Variants in SLC13A4 observed in about 807,000 individuals in gnomAD.
SLC13A4 encodes the protein Na(+)/sulfate cotransporter SUT-1.
In SLC13A4, 28 loss-of-function variants were observed where a neutral mutation model predicts 72.7. The observed-to-expected ratio is 0.39, with a 90% confidence interval of 0.29 to 0.53. SLC13A4 has a LOEUF of 0.53. Among genes scored for constraint, SLC13A4 ranks in the 20% least tolerant of loss-of-function variants. The pLI is 0.78. For missense variants in SLC13A4, 653 were observed against 788.0 expected, an observed-to-expected ratio of 0.83 and a Z score of 2.05; for synonymous variants, 312 against 325.5, an observed-to-expected ratio of 0.96 and a Z score of 0.45.
Position 135,681,428 on chromosome 7 carries a change from C to A in SLC13A4, c.*135G>T. 9.1e-7 allele frequency: 1 copy of A among 1,103,566 alleles called. No homozygotes were observed. Among genetic ancestry groups the A allele is most frequent in the Non-Finnish European group, 1.3e-6 (1 of 782,764 alleles). The allele number at this position is 1,103,566 out of a possible 1,614,324, so 68.4% of individuals were successfully genotyped here. A position where few individuals can be genotyped will look rare whatever the true frequency, so the allele number is the denominator to read the frequency against. ...AGTTCACTTGAGGTGGCGGAATCTT[C>A]TGGTGGAGGGATGCCCTCCGGCGTG... is the stretch of plus-strand genomic sequence containing the variant. On this transcript the variant is annotated 3_prime_UTR_variant, in exon 16 of 16. Transcript: ENST00000682651.
intron 13 of SLC13A4, among the ~76,000 whole-genome samples, chr7:135,686,210 A>G: frequency 6.6e-6 from 1 of 152,218 alleles, no homozygotes; most frequent in East Asian, 1.9e-4. Context: ...AGGGCTGAGC[A>G]CTGGAGGTTT....
At chr7:135,687,648 T>C (rs1795663765) in intron 13 of SLC13A4, among the ~76,000 whole-genome samples, 1 of 152,196 alleles carries the variant, frequency 6.6e-6, no homozygotes, top group Non-Finnish European at 1.5e-5. Context: ...CCCCAAGGCC[T>C]CCAGGAACTC....
intron 15 of SLC13A4, chr7:135,683,909 C>G (rs1453942757): frequency 3.1e-6 from 2 of 646,332 alleles, no homozygotes; most frequent in East Asian, 1.4e-4. Context: ...CCACTTCCTT[C>G]CAGGGAAGGG....
At chr7:135,723,171 T>A (rs1796582420) in intron 1 of SLC13A4, among the ~76,000 whole-genome samples, 1 of 152,140 alleles carries the variant, frequency 6.6e-6, no homozygotes, top group Non-Finnish European at 1.5e-5. Context: ...TCGTTGCTCT[T>A]GGACTCCATT....
chr7:135,692,982 T>G (rs544480632), intron 10 of SLC13A4: 1 of 151,648 alleles, frequency 6.6e-6, no homozygotes, highest in Admixed American at 6.6e-5. Flanking sequence ...GTGCCTGTAG[T>G]CCCAGTTACT....
At chr7:135,708,276 C>T in intron 2 of SLC13A4, 26 bp from the exon 3 acceptor site, 4 of 1,613,636 alleles carry the variant, frequency 2.5e-6, no homozygotes, top group Non-Finnish European at 3.4e-6. Flanking sequence ...GCATGTCAGT[C>T]ACCCTCCCGG....
intron 10 of SLC13A4, chr7:135,693,503 G>A (rs1005257795): frequency 6.6e-6 from 1 of 152,116 alleles, no homozygotes; most frequent in African/African-American, 2.4e-5. Context: ...TTTTTGAAAT[G>A]TTCTACAATG....
chr7:135,683,601 C>T (rs1275690953), intron 15 of SLC13A4: 7 of 985,222 alleles, frequency 7.1e-6, no homozygotes, highest in Non-Finnish European at 8.4e-6. Context: ...TTTTGTGAGC[C>T]CAGCTGAAAA....
At chr7:135,724,248 A>G (rs959200179) in intron 1 of SLC13A4, among the ~76,000 whole-genome samples, 3 of 152,172 alleles carry the variant, frequency 2.0e-5, no homozygotes, top group African/African-American at 7.2e-5. Flanking sequence ...TAATCCCAGC[A>G]CTATGGGAGG....
At chr7:135,694,269 G>A (rs1179025348) in intron 9 of SLC13A4, 31 bp from the exon 10 acceptor site, 1 of 1,337,584 alleles carries the variant, frequency 7.5e-7, no homozygotes, top group Non-Finnish European at 1.1e-6. Flanking sequence ...AATGATTAAA[G>A]AAAACACACT....
At chr7:135,695,526 G>A (rs1389023751) in intron 8 of SLC13A4, 39 bp from the exon 9 acceptor site, 2 of 1,600,238 alleles carry the variant, frequency 1.2e-6, no homozygotes, top group Non-Finnish European at 1.7e-6. Context: ...TAGAAAGGGA[G>A]GGTTTCCATA....
chr7:135,705,202 C>T (rs1020593666), intron 5 of SLC13A4: 1 of 170,506 alleles, frequency 5.9e-6, no homozygotes, highest in Admixed American at 5.7e-5. Context: ...TTTCATGATT[C>T]TCCAAGAATC....
At chr7:135,725,987 G>A (rs1339922046) in intron 1 of SLC13A4, among the ~76,000 whole-genome samples, 1 of 152,038 alleles carries the variant, frequency 6.6e-6, no homozygotes, top group Non-Finnish European at 1.5e-5. Context: ...AAAGTTTGAT[G>A]AAAGGGGTGA....
chr7:135,722,049 T>G (rs888620278), intron 1 of SLC13A4, among the ~76,000 whole-genome samples: 2 of 152,188 alleles, frequency 1.3e-5, no homozygotes, highest in African/African-American at 4.8e-5. Context: ...GAGACCAGCC[T>G]GGGCAATATA....
chr7:135,713,947 C>G (rs1796360908), intron 2 of SLC13A4, among the ~76,000 whole-genome samples: 1 of 152,216 alleles, frequency 6.6e-6, no homozygotes, highest in Non-Finnish European at 1.5e-5. Context: ...CCGCTCAGTG[C>G]TAAGCTAAGC....
intron 2 of SLC13A4, among the ~76,000 whole-genome samples, chr7:135,715,052 GTGTA>G (rs1445631684): frequency 1.5e-5 from 2 of 136,030 alleles, no homozygotes; most frequent in East Asian, 4.3e-4. Flanking sequence ...GGGTATGAGT[GTGTA>G]TGTGAATGTG....
intron 5 of SLC13A4, 27 bp downstream of exon 5, chr7:135,705,569 T>C (rs905956749): frequency 6.2e-7 from 1 of 1,611,654 alleles, no homozygotes; most frequent in Non-Finnish European, 8.5e-7. Flanking sequence ...TGAGAGGCGC[T>C]GTCTGGGAGA....
chr7:135,688,478 AACTCCT>A lies in SLC13A4; in HGVS notation c.1446+2717_1446+2722del, dbSNP rs1346802080. 3.4e-4 allele frequency among the ~76,000 whole-genome samples: 52 copies of A among 152,154 alleles called. No homozygotes were observed. The Middle Eastern group carries it at 0.014, about 40-fold the overall frequency. On this transcript the variant is annotated intron_variant, in intron 13 of 15. Transcript: ENST00000682651. ...CACCATGTTGGCCAGGCTAGCCTCA[AACTCCT>A]GGCCTCAAGTGATCCTCCTGCCTCA...
chr7:135,692,238 A>T, intron 11 of SLC13A4, 85 bp downstream of exon 11: 1 of 938,400 alleles, frequency 1.1e-6, no homozygotes, highest in Non-Finnish European at 1.7e-6. Context: ...TCCTGGCTTC[A>T]TATCTGCCCC....
Sources: gnomAD v4.1 joint callset for allele counts (sites outside exome capture counted in the v4.1 genomes callset) on GRCh38, gnomAD v4.1.1 for gene constraint, MANE v1.5 for transcripts, NCBI Gene and HGNC (gene_info 2026-07-23, HGNC 2026-07-21) for gene names.